SRGAP2: variants seen among roughly 807,000 people sequenced by gnomAD.
SRGAP2 encodes the protein SLIT-ROBO Rho GTPase activating protein 2.
Under a neutral mutation model 57.2 loss-of-function variants are expected in SRGAP2, and 15 were observed. The ratio of observed to expected loss-of-function variants is 0.26; its 90% confidence interval spans 0.18 to 0.40. SRGAP2 has a LOEUF of 0.40. Among genes scored for constraint, SRGAP2 ranks in the 10% least tolerant of loss-of-function variants. SRGAP2 has a pLI of 1.00. For synonymous variants in SRGAP2, 249 were observed against 248.0 expected, an observed-to-expected ratio of 1.00 and a Z score of -0.04; for missense variants, 520 against 669.6, an observed-to-expected ratio of 0.78 and a Z score of 2.47.
In SRGAP2 at chr1:206,372,964, C is replaced by CTTTCCTTTCTTTCTTT. The variant is rs1553342935; in HGVS notation, c.424-11050_424-11049insTTTCCTTTCTTTCTTT. The stretch of plus-strand genomic sequence containing the variant: ...CTTTCTTTCTTTCTTTCTTTTCTTT[C>CTTTCCTTTCTTTCTTT]CTTTCTTTCTTTCTTTCTTTCTTTC... On this transcript the variant is annotated intron_variant, in intron 4 of 22. Transcript: ENST00000573034. Among the ~76,000 whole-genome samples, 3 of 23,358 alleles carry CTTTCCTTTCTTTCTTT rather than the reference C, an allele frequency of 1.3e-4. 1 individual carries two copies. The highest frequency in any genetic ancestry group is 4.6e-4 in the Admixed American group (1 of 2,166). 15.3% of individuals were successfully genotyped at this position (23,358 alleles called of 152,430 possible).
intron 13 of SRGAP2, among the ~76,000 whole-genome samples, chr1:206,425,732 G>A (rs111284890): frequency 0.012 from 1,759 of 151,194 alleles, 36 homozygotes; most frequent in African/African-American, 0.04. Flanking sequence ...ACAGAGTTTC[G>A]CCATGTTGGC....
At chr1:206,378,579 C>T (rs554378810) in intron 4 of SRGAP2, among the ~76,000 whole-genome samples, 12 of 152,334 alleles carry the variant, frequency 7.9e-5, no homozygotes, top group Admixed American at 2.0e-4. Flanking sequence ...TGGACTTCCT[C>T]GGTGGAGTGG....
At position 206,458,724 on chromosome 1, in the gene SRGAP2, G is replaced by A. The variant is rs1396827085; in HGVS notation, c.2609G>A (p.Gly870Glu). 2.6e-6 allele frequency: 2 copies of A among 780,290 alleles called. No individual in the cohort carries two copies. Among genetic ancestry groups the A allele is most frequent in the Non-Finnish European group, 2.4e-6 (1 of 417,830 alleles). The allele number at this position is 780,290 out of a possible 1,614,324, so 48.3% of individuals were successfully genotyped here. The change falls in exon 22 of 23, where the codon GGG (glycine) becomes GAG (glutamate). Residue 870 changes from glycine to glutamate, a missense_variant. Physicochemically the swap from Gly to Glu is moderately conservative, Grantham distance 98. Transcript: ENST00000573034. Reference sequence around the variant, plus strand: ...ACTGACTCCTCCTCCCCAGGGGTGGGGGCTAGCTGCCGCCCATCCTCCCAG... The same window carrying A: ...ACTGACTCCTCCTCCCCAGGGGTGGAGGCTAGCTGCCGCCCATCCTCCCAG... ...SLTDSSSPGV[G>E]ASCRPSSQPI...
intron 10 of SRGAP2, among the ~76,000 whole-genome samples, chr1:206,415,032 A>C (rs1553361037): frequency 6.6e-6 from 1 of 152,176 alleles, no homozygotes; most frequent in Non-Finnish European, 1.5e-5. Context: ...ACCACTCACT[A>C]ACTGTTTGAC....
At chr1:206,290,760 T>C (rs1171106199) in intron 2 of SRGAP2, among the ~76,000 whole-genome samples, 4 of 151,526 alleles carry the variant, frequency 2.6e-5, no homozygotes, top group African/African-American at 9.7e-5. Context: ...GTGAGGTAGA[T>C]ACTGTTATTA....
chr1:206,220,494 T>G (rs1553304406), intron 2 of SRGAP2, among the ~76,000 whole-genome samples: 1 of 151,898 alleles, frequency 6.6e-6, no homozygotes, highest in African/African-American at 2.4e-5. Context: ...CTTGACAGAG[T>G]ATTTAAATAC....
At chr1:206,429,350 C>T (rs1661088661) in intron 13 of SRGAP2, among the ~76,000 whole-genome samples, 1 of 152,258 alleles carries the variant, frequency 6.6e-6, no homozygotes, top group Non-Finnish European at 1.5e-5. Flanking sequence ...CTGCTACCTT[C>T]AACTGAGAAT....
At chr1:206,385,108 C>G (rs1355569613) in intron 5 of SRGAP2, among the ~76,000 whole-genome samples, 7 of 121,480 alleles carry the variant, frequency 5.8e-5, no homozygotes, top group Non-Finnish European at 9.7e-5. Flanking sequence ...GCCATTTTGT[C>G]ATGGCAACTG....
chr1:206,307,184 G>A (rs1249670760), intron 3 of SRGAP2, among the ~76,000 whole-genome samples: 2 of 150,940 alleles, frequency 1.3e-5, no homozygotes, highest in African/African-American at 4.9e-5. Flanking sequence ...GCTAGATATA[G>A]AGTGCCGATT....
At chr1:206,305,768 A>C (rs1355209506) in intron 3 of SRGAP2, among the ~76,000 whole-genome samples, 1 of 150,510 alleles carries the variant, frequency 6.6e-6, no homozygotes, top group Non-Finnish European at 1.5e-5. Flanking sequence ...ATAATACAGG[A>C]CACAAATTAT....
At chr1:206,383,169 C>T (rs1263197687) in intron 4 of SRGAP2, among the ~76,000 whole-genome samples, 1 of 145,694 alleles carries the variant, frequency 6.9e-6, no homozygotes, top group Non-Finnish European at 1.5e-5. Context: ...GGACTACAGG[C>T]GTGTGCCATC....
chr1:206,281,892 C>A (rs1321623128), intron 2 of SRGAP2, among the ~76,000 whole-genome samples: 1 of 140,452 alleles, frequency 7.1e-6, no homozygotes, highest in African/African-American at 3.0e-5. Flanking sequence ...CCAGCCTGGG[C>A]GACAGAGTGA....
intron 2 of SRGAP2, among the ~76,000 whole-genome samples, chr1:206,278,383 C>G (rs1350422707): frequency 4.4e-5 from 6 of 135,412 alleles, no homozygotes; most frequent in African/African-American, 1.7e-4. Context: ...GTCTCTCTCT[C>G]TCTTGCCCAG....
chr1:206,257,738 A>G (rs1258348926), intron 2 of SRGAP2, among the ~76,000 whole-genome samples: 1 of 117,942 alleles, frequency 8.5e-6, no homozygotes, highest in African/African-American at 3.1e-5. Flanking sequence ...AGCAGACTAT[A>G]TATATACATA....
chr1:206,438,183 T>C, intron 16 of SRGAP2, 85 bp downstream of exon 16: 1 of 683,534 alleles, frequency 1.5e-6, no homozygotes, highest in Non-Finnish European at 2.7e-6. Context: ...GTCTGTGTGT[T>C]CTCATAAGCT....
At chr1:206,410,617 G>T (rs1334418680) in intron 10 of SRGAP2, among the ~76,000 whole-genome samples, 1 of 152,114 alleles carries the variant, frequency 6.6e-6, no homozygotes, top group African/African-American at 2.4e-5. Context: ...TGTAATGAAA[G>T]AAAATGGAAG....
intron 2 of SRGAP2, among the ~76,000 whole-genome samples, chr1:206,243,411 A>T (rs1236093290): frequency 1.3e-5 from 2 of 151,580 alleles, no homozygotes; most frequent in African/African-American, 4.9e-5. Flanking sequence ...AGTGAAAAGG[A>T]TGTGTACACA....
intron 3 of SRGAP2, among the ~76,000 whole-genome samples, chr1:206,319,134 G>A (rs1403790308): frequency 5.3e-5 from 8 of 151,324 alleles, no homozygotes; most frequent in Non-Finnish European, 8.8e-5. Context: ...CAGAGGTGCC[G>A]GGTGCGGTGG....
intron 10 of SRGAP2, among the ~76,000 whole-genome samples, chr1:206,410,075 T>C (rs1416574935): frequency 7.9e-5 from 12 of 152,206 alleles, no homozygotes; most frequent in African/African-American, 2.9e-4. Context: ...CACTCCAGCC[T>C]GGGGCAACAA....
Sources: gnomAD v4.1 joint callset for allele counts (sites outside exome capture counted in the v4.1 genomes callset) on GRCh38, gnomAD v4.1.1 for gene constraint, MANE v1.5 for transcripts, NCBI Gene and HGNC (gene_info 2026-07-23, HGNC 2026-07-21) for gene names.